The following CHODL variants were observed in gnomAD, a reference collection of about 807,000 sequenced individuals.
CHODL encodes the protein transmembrane protein MT75.
In CHODL, 29 loss-of-function variants were observed where a neutral mutation model predicts 34.5. The ratio of observed to expected loss-of-function variants is 0.84; its 90% CI spans 0.63 to 1.15. The LOEUF (loss-of-function observed/expected upper bound fraction) is 1.15, where lower values mean the gene tolerates loss of function less well. CHODL is among the 50% of genes most tolerant of loss of function. The pLI, the probability that CHODL is intolerant of heterozygous loss-of-function variation, is 0.00. For synonymous variants in CHODL, 125 were observed against 116.1 expected, an observed-to-expected ratio of 1.08 and a Z score of -0.49; for missense variants, 332 against 332.5, an observed-to-expected ratio of 1.00 and a Z score of 0.01.
At chr21:18,053,688 A>T (rs1370515995) in intron 2 of CHODL, among the ~76,000 whole-genome samples, 1 of 151,830 alleles carries the variant, frequency 6.6e-6, no homozygotes, top group East Asian at 1.9e-4. Flanking sequence ...TTTCTGCTTC[A>T]TTTGAAATCA....
intron 2 of CHODL, among the ~76,000 whole-genome samples, chr21:18,102,945 A>G (rs2065232675): frequency 2.6e-5 from 4 of 152,312 alleles, no homozygotes; most frequent in Admixed American, 2.6e-4. Flanking sequence ...TTTTGGCACA[A>G]AGGTAGCAAT....
intron 2 of CHODL, among the ~76,000 whole-genome samples, chr21:18,056,475 TC>T (rs2064581658): frequency 7.8e-6 from 1 of 129,016 alleles, no homozygotes; most frequent in African/African-American, 4.3e-5. Context: ...CTATTTTCCT[TC>T]TTTTTTTTTT....
intron 2 of CHODL, among the ~76,000 whole-genome samples, chr21:18,197,258 T>C (rs1447464967): frequency 6.6e-6 from 1 of 152,202 alleles, no homozygotes; most frequent in African/African-American, 2.4e-5. Flanking sequence ...ATAGCTGTAA[T>C]ATGAAGGATA....
chr21:17,930,888 G>A (rs955207532), intron 1 of CHODL, among the ~76,000 whole-genome samples: 6 of 152,202 alleles, frequency 3.9e-5, no homozygotes, highest in African/African-American at 9.7e-5. Flanking sequence ...TGAGCTGAGG[G>A]AAGAGATTCC....
intron 1 of CHODL, among the ~76,000 whole-genome samples, chr21:17,972,921 A>G (rs2063627702): frequency 6.6e-6 from 1 of 152,232 alleles, no homozygotes; most frequent in South Asian, 2.1e-4. Context: ...CCAAAACAAC[A>G]TGATACTGGT....
chr21:17,992,072 G>A (rs953922240), intron 1 of CHODL, among the ~76,000 whole-genome samples: 3 of 152,062 alleles, frequency 2.0e-5, no homozygotes, highest in African/African-American at 7.2e-5. Flanking sequence ...ACCAGTTATT[G>A]AAGAGACTGT....
chr21:18,181,445 T>C (rs534889332), intron 2 of CHODL, among the ~76,000 whole-genome samples: 188 of 152,350 alleles, frequency 1.2e-3, no homozygotes, highest in South Asian at 2.1e-3. Context: ...CTCTGTCGCC[T>C]AGGCTGGAGT....
chr21:17,984,954 G>C (rs1027648613), intron 1 of CHODL, among the ~76,000 whole-genome samples: 1 of 151,976 alleles, frequency 6.6e-6, no homozygotes, highest in Non-Finnish European at 1.5e-5. Context: ...AGTTTTGCAG[G>C]AATATCGCAA....
At chr21:18,222,047 C>A (rs910362292) in intron 2 of CHODL, among the ~76,000 whole-genome samples, 9 of 152,188 alleles carry the variant, frequency 5.9e-5, no homozygotes, top group Non-Finnish European at 1.3e-4. Flanking sequence ...GCAAGGTGGA[C>A]AGACTGCTCC....
At chr21:18,041,795 C>T (rs113638784) in intron 2 of CHODL, among the ~76,000 whole-genome samples, 1,775 of 151,816 alleles carry the variant, frequency 0.012, 18 homozygotes, top group Non-Finnish European at 0.017. Flanking sequence ...TAATAAATTA[C>T]AGGTGAGTCT....
In CHODL at chr21:18,233,530, T is replaced by C. The variant is rs369602721; in HGVS notation, c.-44-22979T>C. ...ACATGGTAACTATTAATTGTTGTTA[T>C]TATTGTTATAGTTACTCTCCTAAGA... On this transcript the variant is annotated intron_variant, in intron 2 of 6. Transcript: ENST00000400127. Among the ~76,000 whole-genome samples the C allele has an allele frequency of 2.6e-5, 4 of 152,236 alleles. No homozygotes were observed. The East Asian group carries it at 7.7e-4, about 29-fold the overall frequency.
chr21:17,957,114 T>C (rs1019156726), intron 1 of CHODL, among the ~76,000 whole-genome samples: 1 of 152,128 alleles, frequency 6.6e-6, no homozygotes, highest in Non-Finnish European at 1.5e-5. Flanking sequence ...TAGTTGATAA[T>C]TGTCCTGGAT....
At chr21:18,016,480 A>T (rs918297819) in intron 1 of CHODL, among the ~76,000 whole-genome samples, 3 of 152,222 alleles carry the variant, frequency 2.0e-5, no homozygotes, top group African/African-American at 7.2e-5. Context: ...GAATGGTTTC[A>T]TGGGCCAGGA....
chr21:17,978,918 T>C (rs865796898), intron 1 of CHODL, among the ~76,000 whole-genome samples: 22 of 152,232 alleles, frequency 1.4e-4, no homozygotes, highest in African/African-American at 4.6e-4. Context: ...TTAGTTGCAA[T>C]AGGCCCCTCT....
chr21:18,093,126 G>A (rs1009772088), intron 2 of CHODL, among the ~76,000 whole-genome samples: 1 of 152,140 alleles, frequency 6.6e-6, no homozygotes, highest in East Asian at 1.9e-4. Flanking sequence ...GTGCTTCAAC[G>A]CATCTGGTAG....
At chr21:18,086,221 C>G (rs1174443935) in intron 2 of CHODL, among the ~76,000 whole-genome samples, 1 of 151,666 alleles carries the variant, frequency 6.6e-6, no homozygotes, top group Non-Finnish European at 1.5e-5. Flanking sequence ...CTAAAGTTAT[C>G]TATCTTCTTG....
At chr21:18,008,153 T>TA (rs905082635) in intron 1 of CHODL, among the ~76,000 whole-genome samples, 187 of 151,922 alleles carry the variant, frequency 1.2e-3, no homozygotes, top group African/African-American at 4.1e-3. Context: ...TTCTTTTTTT[T>TA]AAAAAAAAGC....
At chr21:17,997,529 A>T (rs2063861925) in intron 1 of CHODL, among the ~76,000 whole-genome samples, 2 of 152,214 alleles carry the variant, frequency 1.3e-5, no homozygotes, top group Non-Finnish European at 2.9e-5. Context: ...CTTGTGTATT[A>T]GTTCATTTTC....
intron 1 of CHODL, among the ~76,000 whole-genome samples, chr21:17,991,078 T>G (rs2063793445): frequency 6.6e-6 from 1 of 152,166 alleles, no homozygotes; most frequent in South Asian, 2.1e-4. Context: ...GTGTGTAGTT[T>G]ATTTCATTTA....
Sources: gnomAD v4.1 joint callset for allele counts (sites outside exome capture counted in the v4.1 genomes callset) on GRCh38, gnomAD v4.1.1 for gene constraint, MANE v1.5 for transcripts, NCBI Gene and HGNC (gene_info 2026-07-23, HGNC 2026-07-21) for gene names.